The following SDK2 variants were observed in gnomAD, a reference collection of about 807,000 sequenced individuals.
SDK2 encodes the protein protein sidekick-2.
A neutral mutation model predicts 253.9 loss-of-function variants in SDK2; 105 were observed. The ratio of observed to expected loss-of-function variants is 0.41; its 90% CI spans 0.35 to 0.49. The LOEUF is 0.49. Among genes scored for constraint, SDK2 ranks in the 20% least tolerant of loss-of-function variants. The pLI, the probability that SDK2 is intolerant of heterozygous loss-of-function variation, is 0.06. For missense variants in SDK2, 2,608 were observed against 3,003.0 expected (o/e 0.87, Z 3.07); for synonymous variants, 1,249 against 1,234.9 (o/e 1.01, Z -0.24).
chr17:73,355,172 A>ATTTTTTTT (rs1450719562), intron 40 of SDK2, among the ~76,000 whole-genome samples: 2 of 23,340 alleles, frequency 8.6e-5, no homozygotes, highest in Non-Finnish European at 1.4e-4. Context: ...ATATATATAT[A>ATTTTTTTT]TATTTTTTTT....
At chr17:73,349,934 C>A (rs2062519421) in intron 43 of SDK2, among the ~76,000 whole-genome samples, 1 of 152,152 alleles carries the variant, frequency 6.6e-6, no homozygotes, top group Non-Finnish European at 1.5e-5. Context: ...AAAAATTTTG[C>A]CAGTTATTTG....
At chr17:73,425,173 T>C (rs144703854) in intron 12 of SDK2, among the ~76,000 whole-genome samples, 2,689 of 152,162 alleles carry the variant, frequency 0.018, 132 homozygotes, top group East Asian at 0.14. Flanking sequence ...GGAGCCGAGA[T>C]GGTGCCACTG....
At position 73,609,178 on chromosome 17, in the gene SDK2, A is replaced by G. The variant is rs1186676885; in HGVS notation, c.64+34847T>C. Reference sequence around the variant, plus strand: ...TTCAGTTGGGATGACTTGGTCATCAAAGTGAATGCAGTGTTGGAGAGATAA... The same window carrying G: ...TTCAGTTGGGATGACTTGGTCATCAGAGTGAATGCAGTGTTGGAGAGATAA... On this transcript the variant is annotated intron_variant, in intron 1 of 44. Coordinates refer to ENST00000392650, the MANE Select transcript of SDK2 (RefSeq NM_001144952.2). The surrounding 1 kb of genome is among the most constrained non-coding windows in gnomAD (Gnocchi z 4.4). 5.3e-5 allele frequency among the ~76,000 whole-genome samples: 8 copies of G among 151,434 alleles called. No individual in the cohort carries two copies. Among genetic ancestry groups the G allele is most frequent in the Non-Finnish European group, 5.9e-5 (4 of 67,954 alleles).
At chr17:73,552,141 G>T (rs1234497278) in intron 1 of SDK2, among the ~76,000 whole-genome samples, 4 of 151,442 alleles carry the variant, frequency 2.6e-5, no homozygotes, top group Non-Finnish European at 4.4e-5. Context: ...ATAAAATATT[G>T]TCGGAGAGCC....
In SDK2 at chr17:73,379,667, C is replaced by T. The variant is rs1280537733; in HGVS notation, c.4763-118G>A. 7.6e-6 allele frequency: 5 copies of T among 655,832 alleles called. No individual in the cohort carries two copies. The highest frequency in any genetic ancestry group is 1.8e-5 in the African/African-American group (1 of 55,518). 40.6% of individuals were successfully genotyped at this position (655,832 alleles called of 1,614,324 possible). ...AATGAGGCACCCCCGCCATTCTAGCCCCCTCTGTGAAGGTGCATGAAGGAG... is the reference window on the plus strand; with the variant it reads ...AATGAGGCACCCCCGCCATTCTAGCTCCCTCTGTGAAGGTGCATGAAGGAG... On this transcript the variant is annotated intron_variant, in intron 34 of 44. Coordinates refer to ENST00000392650, the MANE Select transcript of SDK2 (RefSeq NM_001144952.2). The surrounding 1 kb of genome is among the most constrained non-coding windows in gnomAD (Gnocchi z 4.5).
chr17:73,578,404 C>T (rs1023261692), intron 1 of SDK2, among the ~76,000 whole-genome samples: 3 of 152,140 alleles, frequency 2.0e-5, no homozygotes, highest in Admixed American at 6.5e-5. Flanking sequence ...TCATTTTGGA[C>T]CTCTGACCTC....
rs998542327 is a variant in SDK2 at position 73,618,965 on chromosome 17, G to C, written c.64+25060C>G. 3.3e-5 allele frequency among the ~76,000 whole-genome samples: 5 copies of C among 152,302 alleles called. No individual in the cohort carries two copies. Among genetic ancestry groups the C allele is most frequent in the Admixed American group, 2.0e-4 (3 of 15,306 alleles). On this transcript the variant is annotated intron_variant, in intron 1 of 44. Transcript: ENST00000392650. This position sits in a 1 kb window ranked among gnomAD's most constrained non-coding sequence, Gnocchi z 4.1. ...GTGGATCACTTGAGGTCAGGAGTTT[G>C]AGACTGGCCTGGACAACATGGCGAA...
intron 1 of SDK2, among the ~76,000 whole-genome samples, chr17:73,611,204 T>G (rs1222409529): frequency 1.3e-5 from 2 of 152,182 alleles, no homozygotes; most frequent in Admixed American, 1.3e-4. Context: ...AGAATCTCAC[T>G]TTCTCTCCTT....
chr17:73,640,086 C>T (rs532335552), intron 1 of SDK2, among the ~76,000 whole-genome samples: 11 of 152,198 alleles, frequency 7.2e-5, no homozygotes, highest in Non-Finnish European at 1.3e-4. Flanking sequence ...TAAAGTCAGC[C>T]ATTCAGGCGC....
At chr17:73,392,832 G>T (rs1286436557) in intron 27 of SDK2, among the ~76,000 whole-genome samples, 1 of 152,126 alleles carries the variant, frequency 6.6e-6, no homozygotes, top group African/African-American at 2.4e-5. Context: ...TTGCTACAGG[G>T]ATGAATGCCT....
chr17:73,415,694 G>T, intron 17 of SDK2, 117 bp downstream of exon 17: 1 of 864,574 alleles, frequency 1.2e-6, no homozygotes, highest in Non-Finnish European at 1.8e-6. Flanking sequence ...TCCCTATGTT[G>T]CCCAGGCTGG....
Position 73,455,866 on chromosome 17 carries a change from C to T in SDK2, c.479+40G>A, listed in dbSNP as rs924351339. ...CTGGCCCCAAACCTCCTCCCCCAGA[C>T]ACCCCTCCCCTCCCCGTCCCCTCAG... On this transcript the variant is annotated intron_variant, in intron 4 of 44. Transcript: ENST00000392650. This position sits in a 1 kb window ranked among gnomAD's most constrained non-coding sequence, Gnocchi z 5.0. The T allele has an allele frequency of 2.0e-6, 3 of 1,507,532 alleles. No individual in the cohort carries two copies. The highest frequency in any genetic ancestry group is 2.8e-5 in the African/African-American group (2 of 71,990). The allele number at this position is 1,507,532 out of a possible 1,614,324, so 93.4% of individuals were successfully genotyped here. A position where few individuals can be genotyped will look rare whatever the true frequency, so the allele number is the denominator to read the frequency against.
intron 2 of SDK2, among the ~76,000 whole-genome samples, chr17:73,503,551 G>A (rs962803912): frequency 1.3e-5 from 2 of 152,086 alleles, no homozygotes; most frequent in Non-Finnish European, 1.5e-5. Flanking sequence ...CAGTACTAAC[G>A]ATTTTACTAA....
chr17:73,390,173 T>C, intron 29 of SDK2, 114 bp downstream of exon 29: 1 of 911,926 alleles, frequency 1.1e-6, no homozygotes, highest in South Asian at 1.9e-5. Flanking sequence ...CCACCTTCCA[T>C]TCTCATCCAG....
Position 73,459,522 on chromosome 17 carries a change from C to T in SDK2, c.332-3469G>A, listed in dbSNP as rs558400615. ...CCAAGGCACCATGGTTCTACAGCAT[C>T]CTGGAAGGATGTAGTCAATTAAGTG... On this transcript the variant is annotated intron_variant, in intron 3 of 44. Coordinates refer to ENST00000392650, the MANE Select transcript of SDK2 (RefSeq NM_001144952.2). Among the ~76,000 whole-genome samples the T allele has an allele frequency of 3.2e-4, 49 of 152,294 alleles. 2 individuals are homozygous for T. The South Asian group carries it at 9.5e-3, about 30-fold the overall frequency.
rs2062947147 is a variant in SDK2, at chr17:73,393,643, T to C, written c.3815A>G (p.Tyr1272Cys). Reference sequence around the variant, plus strand: ...TGTGAAGGCCAGCACCTGGACTTCATAGAGCACGTATTTGCCCAAGCCGGT... The same window carrying C: ...TGTGAAGGCCAGCACCTGGACTTCACAGAGCACGTATTTGCCCAAGCCGGT... ...QLTGLGKYVL[Y>C]EVQVLAFTRI... The change falls in exon 27 of 45, where the codon TAT becomes TGT. Residue 1272 changes from tyrosine to cysteine, a missense_variant. Tyr to Cys is a radical substitution (Grantham distance 194). Coordinates refer to ENST00000392650, the MANE Select transcript of SDK2 (RefSeq NM_001144952.2). The C allele has an allele frequency of 1.2e-6, 2 of 1,600,090 alleles. No individual in the cohort carries two copies. Among genetic ancestry groups the C allele is most frequent in the Non-Finnish European group, 1.7e-6 (2 of 1,169,628 alleles).
chr17:73,469,390 C>G (rs2063627980), intron 3 of SDK2, among the ~76,000 whole-genome samples: 1 of 152,198 alleles, frequency 6.6e-6, no homozygotes, highest in African/African-American at 2.4e-5. Context: ...TCCCCAGGGT[C>G]TGTGCCTGGG....
intron 1 of SDK2, among the ~76,000 whole-genome samples, chr17:73,632,427 A>C (rs1231645575): frequency 2.0e-5 from 3 of 152,112 alleles, no homozygotes; most frequent in African/African-American, 4.8e-5. Context: ...ATCGGACTCC[A>C]AGTTCTTCAG....
chr17:73,361,594 T>C lies in SDK2; in HGVS notation c.5467+90A>G. On this transcript the variant is annotated intron_variant, in intron 39 of 44. Transcript: ENST00000392650. This position sits in a 1 kb window ranked among gnomAD's most constrained non-coding sequence, Gnocchi z 4.1. The stretch of plus-strand genomic sequence containing the variant: ...TCTGTCCTCCACTCTGTTTCCAGGG[T>C]CCAGCACAGCTCTTGACACCGGGGG... 1 of 1,355,100 alleles carries C rather than the reference T, an allele frequency of 7.4e-7. No homozygotes were observed. The highest frequency in any genetic ancestry group is 1.0e-6 in the Non-Finnish European group (1 of 970,710). The allele number at this position is 1,355,100 out of a possible 1,614,324, so 83.9% of individuals were successfully genotyped here. A position where few individuals can be genotyped will look rare whatever the true frequency, so the allele number is the denominator to read the frequency against.
Sources: allele counts gnomAD v4.1 joint callset (sites outside exome capture counted in the v4.1 genomes callset), GRCh38; gene constraint gnomAD v4.1.1; non-coding constraint Gnocchi (gnomAD v3.1); transcripts MANE v1.5; gene names NCBI Gene and HGNC (gene_info 2026-07-23, HGNC 2026-07-21).